Variants in ANKRD30B observed in about 807,000 individuals in gnomAD.
The protein encoded by ANKRD30B is ankyrin repeat domain 30B.
A neutral mutation model predicts 202.2 loss-of-function variants in ANKRD30B; 144 were observed. The observed-to-expected ratio is 0.71, with a 90% confidence interval of 0.62 to 0.82. ANKRD30B has a LOEUF of 0.82. ANKRD30B is among the 40% of genes least tolerant of loss of function. ANKRD30B has a pLI of 0.00. For missense variants in ANKRD30B, 1,487 were observed against 1,669.1 expected (o/e 0.89, Z 1.90); for synonymous variants, 508 against 561.3 (o/e 0.91, Z 1.34).
chr18:14,754,075 T>C (rs1913936130), intron 3 of ANKRD30B, among the ~76,000 whole-genome samples: 1 of 152,180 alleles, frequency 6.6e-6, no homozygotes, highest in Non-Finnish European at 1.5e-5. Flanking sequence ...AAAAATTCTA[T>C]TGTCTTGTAA....
intron 33 of ANKRD30B, among the ~76,000 whole-genome samples, chr18:14,830,633 G>C (rs1374046614): frequency 2.0e-5 from 3 of 152,080 alleles, no homozygotes; most frequent in African/African-American, 7.2e-5. Context: ...ATAGACAATG[G>C]ATAAGGGACA....
intron 32 of ANKRD30B, chr18:14,825,230 G>T (rs1180388588): frequency 2.6e-5 from 4 of 152,118 alleles, no homozygotes; most frequent in Non-Finnish European, 5.9e-5. Flanking sequence ...CTTGCCACCT[G>T]CCGGGTCCAT....
the ANKRD30B span, chr18:14,883,399 C>CTATATATA: frequency 1.1e-4 from 4 of 37,184 alleles, no homozygotes; most frequent in African/African-American, 4.4e-4. Context: ...CTCTCTCTCT[C>CTATATATA]TATATATATA....
chr18:14,836,611 C>G (rs1416096678), intron 34 of ANKRD30B, among the ~76,000 whole-genome samples: 2 of 152,140 alleles, frequency 1.3e-5, no homozygotes, highest in Non-Finnish European at 2.9e-5. Context: ...AATGATGTAA[C>G]TCATCTGCAT....
chr18:14,891,061 T>C, the ANKRD30B span, among the ~76,000 whole-genome samples: 1 of 152,216 alleles, frequency 6.6e-6, no homozygotes, highest in African/African-American at 2.4e-5. Flanking sequence ...TTTTATGCAA[T>C]TTGCTATTAA....
chr18:14,906,685 C>T, the ANKRD30B span, among the ~76,000 whole-genome samples: 1 of 152,108 alleles, frequency 6.6e-6, no homozygotes, highest in Non-Finnish European at 1.5e-5. Flanking sequence ...TGTTTAGTCC[C>T]ATTGATGAAA....
At chr18:14,921,850 G>A in the ANKRD30B span, among the ~76,000 whole-genome samples, 12 of 151,562 alleles carry the variant, frequency 7.9e-5, no homozygotes, top group Non-Finnish European at 1.2e-4. Context: ...ATTGTTTTCC[G>A]ATGCATAAAT....
chr18:14,863,417 T>C, the ANKRD30B span, among the ~76,000 whole-genome samples: 1 of 152,104 alleles, frequency 6.6e-6, no homozygotes, highest in Non-Finnish European at 1.5e-5. Context: ...CATTTCTCTC[T>C]TGACACGTGA....
In ANKRD30B at chr18:14,791,453, A is replaced by G. The variant is rs1205748241; in HGVS notation, c.1787A>G (p.His596Arg). Reference protein sequence around the residue: ...QKDVYLPKATHQKEFDTLSGK... With the variant: ...QKDVYLPKATRQKEFDTLSGK... ...GATGTGTATTTACCCAAAGCTACAC[A>G]TCAAAAAGAATTCGATACCTTAAGT... Residue 596 changes from histidine (H) to arginine (R), a missense_variant, in exon 16 of 44, where the codon CAT (histidine) becomes CGT (arginine). Coordinates refer to ENST00000690538, the MANE Select transcript of ANKRD30B (RefSeq NM_001367607.2). 6.2e-7 allele frequency: 1 copy of G among 1,611,614 alleles called. No individual in the cohort carries two copies. Among genetic ancestry groups the G allele is most frequent in the Admixed American group, 1.7e-5 (1 of 59,540 alleles).
At position 14,800,416 on chromosome 18, in the gene ANKRD30B, C is replaced by T. The variant is rs1351415520; in HGVS notation, c.2131+1121C>T. Among the ~76,000 whole-genome samples, 2 of 151,292 alleles carry T rather than the reference C, an allele frequency of 1.3e-5. 1 individual carries two copies. The highest frequency in any genetic ancestry group is 3.9e-4 in the East Asian group (2 of 5,098). On this transcript the variant is annotated intron_variant, in intron 22 of 43. Transcript: ENST00000690538. The stretch of plus-strand genomic sequence containing the variant: ...CTTGGCGCACTGCAAGCTCCACCTC[C>T]CAGGTTCACGCCATTCTCCTGCCTG...
At chr18:14,787,623 AC>A (rs1371801553) in intron 15 of ANKRD30B, among the ~76,000 whole-genome samples, 1 of 152,158 alleles carries the variant, frequency 6.6e-6, no homozygotes, top group Non-Finnish European at 1.5e-5. Context: ...GGAATAGGAA[AC>A]CTTGTGGGAA....
chr18:14,924,181 A>T, the ANKRD30B span, among the ~76,000 whole-genome samples: 263 of 152,264 alleles, frequency 1.7e-3, 1 homozygote, highest in Non-Finnish European at 2.9e-3. Context: ...ACCTTACCAA[A>T]CTGTTGTTAG....
At chr18:14,897,718 A>G in the ANKRD30B span, among the ~76,000 whole-genome samples, 6 of 152,144 alleles carry the variant, frequency 3.9e-5, no homozygotes, top group African/African-American at 1.4e-4. Flanking sequence ...ACAGGCTCCC[A>G]TCTCTGTGCC....
the ANKRD30B span, among the ~76,000 whole-genome samples, chr18:14,869,393 A>G: frequency 1.0e-3 from 156 of 151,686 alleles, no homozygotes; most frequent in African/African-American, 3.6e-3. Context: ...GTTGTATGAC[A>G]AGAAATATGA....
rs140109462 is a variant in ANKRD30B at position 14,798,861 on chromosome 18, A to G, written c.2030-240A>G. ...TTGTCTTTACACAATCCTGCATGCAATTTTGTATTTACAATAATCAGGAGC... is the reference window on the plus strand; with the variant it reads ...TTGTCTTTACACAATCCTGCATGCAGTTTTGTATTTACAATAATCAGGAGC... On this transcript the variant is annotated intron_variant, in intron 20 of 43. Coordinates refer to ENST00000690538, the MANE Select transcript of ANKRD30B (RefSeq NM_001367607.2). Among the ~76,000 whole-genome samples the G allele has an allele frequency of 0.015, 2,283 of 152,088 alleles. 65 individuals are homozygous for G. The highest frequency in any genetic ancestry group is 0.053 in the African/African-American group (2,185 of 41,486).
rs1171017421 is a variant in ANKRD30B, at chr18:14,854,369, T to C, written c.*211T>C. 6.6e-6 allele frequency among the ~76,000 whole-genome samples: 1 copy of C among 152,186 alleles called. No homozygotes were observed. Among genetic ancestry groups the C allele is most frequent in the African/African-American group, 2.4e-5 (1 of 41,444 alleles). On this transcript the variant is annotated 3_prime_UTR_variant, in exon 44 of 44. Coordinates refer to ENST00000690538, the MANE Select transcript of ANKRD30B (RefSeq NM_001367607.2). The stretch of plus-strand genomic sequence containing the variant: ...ACCCTAAACCACCCACCTCACAGCA[T>C]AGTGCAGAGATGTCCTGGCAGTGCT...
At chr18:14,907,356 A>C in the ANKRD30B span, among the ~76,000 whole-genome samples, 2 of 152,114 alleles carry the variant, frequency 1.3e-5, no homozygotes, top group South Asian at 4.2e-4. Flanking sequence ...TTGTATTAAC[A>C]CTGAATAGGT....
chr18:14,933,745 T>C, the ANKRD30B span, among the ~76,000 whole-genome samples: 1 of 91,236 alleles, frequency 1.1e-5, no homozygotes, highest in Non-Finnish European at 2.2e-5. Flanking sequence ...GGAGAGGTGT[T>C]TGACTCAGAG....
In ANKRD30B at chr18:14,843,971, A is replaced by T. The variant is rs538162877; in HGVS notation, c.3181+875A>T. Among the ~76,000 whole-genome samples, 6 of 152,342 alleles carry T rather than the reference A, an allele frequency of 3.9e-5. No homozygotes were observed. In the South Asian group the frequency reaches 1.2e-3, roughly 32 times the overall value. On this transcript the variant is annotated intron_variant, in intron 39 of 43. Transcript: ENST00000690538. The stretch of plus-strand genomic sequence containing the variant: ...ATATTATTCCTATGCATGCTTAAAA[A>T]TTATACAACATATGTGCACGGTCAT...
Sources: allele counts gnomAD v4.1 joint callset (sites outside exome capture counted in the v4.1 genomes callset), GRCh38; gene constraint gnomAD v4.1.1; transcripts MANE v1.5; gene names NCBI Gene and HGNC (gene_info 2026-07-23, HGNC 2026-07-21).